Variants in SLC32A1 observed in about 807,000 individuals in gnomAD.
The protein encoded by SLC32A1 is solute carrier family 32 member 1.
A neutral mutation model predicts 35.5 loss-of-function variants in SLC32A1; 8 were observed. That is an observed-to-expected ratio of 0.23 (90% CI 0.13 to 0.41). The LOEUF is 0.41. Among genes scored for constraint, SLC32A1 ranks in the 10% least tolerant of loss-of-function variants. The pLI is 1.00. For missense variants in SLC32A1, 493 were observed against 722.3 expected (o/e 0.68, Z 3.64); for synonymous variants, 317 against 326.3 (o/e 0.97, Z 0.31).
At position 38,724,899 on chromosome 20, in the gene SLC32A1, C is replaced by A; in HGVS notation, c.175C>A (p.Gln59Lys). Reference sequence around the variant, plus strand: ...CGACTTTGAGCACCGCCAGGGCCTGCAGATGGACATCCTGAAAGCCGAGGG... The same window carrying A: ...CGACTTTGAGCACCGCCAGGGCCTGAAGATGGACATCCTGAAAGCCGAGGG... The part of the protein sequence containing the change: ...DLDFEHRQGL[Q>K]MDILKAEGEP... The change falls in exon 1 of 2, where the codon CAG (glutamine) becomes AAG (lysine). Residue 59 changes from glutamine (Q) to lysine (K), a missense_variant. By Grantham distance (53) the Gln-to-Lys change is moderately conservative. Transcript: ENST00000217420. 6.2e-7 allele frequency: 1 copy of A among 1,613,980 alleles called. No individual in the cohort carries two copies. The highest frequency in any genetic ancestry group is 8.5e-7 in the Non-Finnish European group (1 of 1,179,976).
Position 38,724,529 on chromosome 20 carries a change from T to C in SLC32A1, c.-196T>C. 1 of 672,670 alleles carries C rather than the reference T, an allele frequency of 1.5e-6. No individual in the cohort carries two copies. Among genetic ancestry groups the C allele is most frequent in the Non-Finnish European group, 2.4e-6 (1 of 422,272 alleles). The allele number at this position is 672,670 out of a possible 1,614,324, so 41.7% of individuals were successfully genotyped here. A position where few individuals can be genotyped will look rare whatever the true frequency, so the allele number is the denominator to read the frequency against. On this transcript the variant is annotated 5_prime_UTR_variant, in exon 1 of 2. Coordinates refer to ENST00000217420, the MANE Select transcript of SLC32A1 (RefSeq NM_080552.3). ...GCCGCCGCCGCCGCTCCGCCAGACC[T>C]GCTGCCAGCTTGCCCGGTCCAGCCC...
intron 1 of SLC32A1, among the ~76,000 whole-genome samples, 171 bp downstream of exon 1, chr20:38,725,285 G>A (rs1055887458): frequency 2.6e-5 from 4 of 152,188 alleles, no homozygotes; most frequent in Non-Finnish European, 5.9e-5. Context: ...GCCCCCAGGC[G>A]GTGTTTTCCG....
At chr20:38,725,968 G>A (rs1235096432) in intron 1 of SLC32A1, among the ~76,000 whole-genome samples, 1 of 152,174 alleles carries the variant, frequency 6.6e-6, no homozygotes, top group Non-Finnish European at 1.5e-5. Flanking sequence ...GAGGCGGCCA[G>A]CTCCTCCCCG....
intron 1 of SLC32A1, among the ~76,000 whole-genome samples, chr20:38,727,146 C>G (rs1238038176): frequency 3.3e-5 from 5 of 152,182 alleles, no homozygotes; most frequent in Non-Finnish European, 7.4e-5. Context: ...TGTGGCTTCT[C>G]CCTATTCTCA....
In SLC32A1 at chr20:38,724,658, G is replaced by A. The variant is rs1379047624; in HGVS notation, c.-67G>A. ...AGCGACTTTGCGCCCCCCAGCCCTC[G>A]CCTTCTTGCATCGCGTTCCCCGCAT... On this transcript the variant is annotated 5_prime_UTR_variant, in exon 1 of 2. Coordinates refer to ENST00000217420, the MANE Select transcript of SLC32A1 (RefSeq NM_080552.3). 5.2e-6 allele frequency: 8 copies of A among 1,525,436 alleles called. No individual in the cohort carries two copies. Among genetic ancestry groups the A allele is most frequent in the Non-Finnish European group, 7.0e-6 (8 of 1,141,008 alleles). The allele number at this position is 1,525,436 out of a possible 1,614,324, so 94.5% of individuals were successfully genotyped here.
At position 38,724,583 on chromosome 20, in the gene SLC32A1, G is replaced by T; in HGVS notation, c.-142G>T. ...GAGAGCCTCGAACGCCAGCTGCGAG[G>T]GTCATGAGCCAGAGAGCCCCGGGGC... On this transcript the variant is annotated 5_prime_UTR_variant, in exon 1 of 2. Transcript: ENST00000217420. 1.9e-6 allele frequency: 2 copies of T among 1,034,798 alleles called. No individual in the cohort carries two copies. Among genetic ancestry groups the T allele is most frequent in the East Asian group, 5.3e-5 (2 of 37,578 alleles). The allele number at this position is 1,034,798 out of a possible 1,614,324, so 64.1% of individuals were successfully genotyped here. A position where few individuals can be genotyped will look rare whatever the true frequency, so the allele number is the denominator to read the frequency against.
In SLC32A1 at chr20:38,728,348, G is replaced by A. The variant is rs1229183734; in HGVS notation, c.1287G>A (p.Lys429=). Residue 429 remains lysine, a synonymous_variant, in exon 2 of 2, where the codon AAG becomes AAA. Transcript: ENST00000217420. ...GCTACAGCGGCGACGGGCGCCTGAA[G>A]TCCTGGGGGCTGACGCTGCGCTGCG... The part of the protein sequence containing the change: ...PACYSGDGRL[K]SWGLTLRCAL... 6.8e-6 allele frequency: 11 copies of A among 1,612,760 alleles called. No individual in the cohort carries two copies. The highest frequency in any genetic ancestry group is 8.5e-6 in the Non-Finnish European group (10 of 1,179,774).
chr20:38,729,017 T>G lies in SLC32A1; in HGVS notation c.*378T>G. 4.8e-6 allele frequency: 1 copy of G among 207,834 alleles called. No individual in the cohort carries two copies. Among genetic ancestry groups the G allele is most frequent in the Non-Finnish European group, 9.7e-6 (1 of 103,606 alleles). The allele number at this position is 207,834 out of a possible 1,614,324, so 12.9% of individuals were successfully genotyped here. On this transcript the variant is annotated 3_prime_UTR_variant, in exon 2 of 2. Transcript: ENST00000217420. The stretch of plus-strand genomic sequence containing the variant: ...TGGCAACTTGACCTTGGGGGAATAT[T>G]TCACATCCATCCAGAGCTCGGAATC...
chr20:38,727,897 T>C lies in SLC32A1; in HGVS notation c.836T>C (p.Ile279Thr). The C allele has an allele frequency of 6.2e-7, 1 of 1,614,228 alleles. No individual in the cohort carries two copies. The highest frequency in any genetic ancestry group is 8.5e-7 in the Non-Finnish European group (1 of 1,180,038). ...ACTCTGGCCCACTTCGTCATCAATA[T>C]CCTGGTCATAGCCTACTGTCTATCG... ...LCTLAHFVIN[I>T]LVIAYCLSRA... The change falls in exon 2 of 2, where the codon ATC becomes ACC. Residue 279 changes from isoleucine to threonine, a missense_variant. Coordinates refer to ENST00000217420, the MANE Select transcript of SLC32A1 (RefSeq NM_080552.3).
rs937544683 is a variant in SLC32A1, at chr20:38,725,247, T to A, written c.390+133T>A. 1.2e-4 allele frequency: 138 copies of A among 1,173,690 alleles called. No homozygotes were observed. The African/African-American group carries it at 2.0e-3, about 17-fold the overall frequency. 72.7% of individuals were successfully genotyped at this position (1,173,690 alleles called of 1,614,324 possible). A position where few individuals can be genotyped will look rare whatever the true frequency, so the allele number is the denominator to read the frequency against. On this transcript the variant is annotated intron_variant, in intron 1 of 1. Coordinates refer to ENST00000217420, the MANE Select transcript of SLC32A1 (RefSeq NM_080552.3). ...GTACCCAGGAATCTCCCTTTCTCCA[T>A]CCCTCCCAGCCCTGCGCGGGGACCT... is the stretch of plus-strand genomic sequence containing the variant.
At chr20:38,725,309 T>C (rs1334377161) in intron 1 of SLC32A1, among the ~76,000 whole-genome samples, 195 bp downstream of exon 1, 1 of 151,738 alleles carries the variant, frequency 6.6e-6, no homozygotes, top group Non-Finnish European at 1.5e-5. Context: ...TAACCCACGC[T>C]CCCTCCCAAC....
In SLC32A1 at chr20:38,724,551, G is replaced by A; in HGVS notation, c.-174G>A. On this transcript the variant is annotated 5_prime_UTR_variant, in exon 1 of 2. Transcript: ENST00000217420. Reference sequence around the variant, plus strand: ...ACCTGCTGCCAGCTTGCCCGGTCCAGCCCTGAGAGAGCCTCGAACGCCAGC... The same window carrying A: ...ACCTGCTGCCAGCTTGCCCGGTCCAACCCTGAGAGAGCCTCGAACGCCAGC... 1 of 815,190 alleles carries A rather than the reference G, an allele frequency of 1.2e-6. No homozygotes were observed. The highest frequency in any genetic ancestry group is 1.9e-6 in the Non-Finnish European group (1 of 536,010). The allele number at this position is 815,190 out of a possible 1,614,324, so 50.5% of individuals were successfully genotyped here.
At chr20:38,725,736 A>T (rs1007825114) in intron 1 of SLC32A1, among the ~76,000 whole-genome samples, 3 of 152,160 alleles carry the variant, frequency 2.0e-5, no homozygotes, top group Admixed American at 6.5e-5. Flanking sequence ...GCACATACCA[A>T]ACACACGAAT....
chr20:38,725,017 C>T lies in SLC32A1; in HGVS notation c.293C>T (p.Ser98Phe). 3.2e-6 allele frequency: 5 copies of T among 1,566,164 alleles called. No individual in the cohort carries two copies. Among genetic ancestry groups the T allele is most frequent in the Non-Finnish European group, 4.3e-6 (5 of 1,157,234 alleles). The change falls in exon 1 of 2, where the codon TCC becomes TTC. Residue 98 changes from serine to phenylalanine, a missense_variant. Physicochemically the swap from Ser to Phe is radical, Grantham distance 155. Around this residue, in one of 4 missense-constraint regions of SLC32A1, gnomAD observed 133 missense variants for 145.9 expected, o/e 0.91. Coordinates refer to ENST00000217420, the MANE Select transcript of SLC32A1 (RefSeq NM_080552.3). ...GSGAPLPPSG[S>F]KDQVGGGGEF... ...GGAGCTCCTCTGCCGCCCTCCGGCT[C>T]CAAGGACCAGGTGGGAGGTGGTGGC...
At position 38,727,484 on chromosome 20, in the gene SLC32A1, C is replaced by T; in HGVS notation, c.423C>T (p.Ile141=). The change falls in exon 2 of 2, where the codon ATC becomes ATT. Residue 141 remains isoleucine (I), a synonymous_variant. Coordinates refer to ENST00000217420, the MANE Select transcript of SLC32A1 (RefSeq NM_080552.3). ...GMFVLGLPYA[I]LHGGYLGLFL... is the part of the protein sequence containing the mutation. ...TCGTGCTGGGCCTACCCTACGCCATCCTGCACGGCGGCTACCTGGGGTTGT... is the reference window on the plus strand; with the variant it reads ...TCGTGCTGGGCCTACCCTACGCCATTCTGCACGGCGGCTACCTGGGGTTGT... 1 of 1,609,190 alleles carries T rather than the reference C, an allele frequency of 6.2e-7. No homozygotes were observed. The highest frequency in any genetic ancestry group is 8.5e-7 in the Non-Finnish European group (1 of 1,180,026).
chr20:38,725,159 C>T, intron 1 of SLC32A1, 45 bp downstream of exon 1: 1 of 1,501,350 alleles, frequency 6.7e-7, no homozygotes, highest in Non-Finnish European at 8.9e-7. Context: ...CCCCTCCCAG[C>T]TCAGCGTGCC....
In SLC32A1 at chr20:38,728,012, C is replaced by T. The variant is rs751833431; in HGVS notation, c.951C>T (p.Tyr317=). The part of the protein sequence containing the change: ...PISIGIIVFS[Y]TSQIFLPSLE... ...CCATTGGCATCATCGTGTTCAGCTACACGTCTCAGATCTTCCTGCCTTCGC... is the reference window on the plus strand; with the variant it reads ...CCATTGGCATCATCGTGTTCAGCTATACGTCTCAGATCTTCCTGCCTTCGC... The change falls in exon 2 of 2, where the codon TAC becomes TAT. Residue 317 remains tyrosine (Y), a synonymous_variant. Coordinates refer to ENST00000217420, the MANE Select transcript of SLC32A1 (RefSeq NM_080552.3). 1 of 1,614,118 alleles carries T rather than the reference C, an allele frequency of 6.2e-7. No individual in the cohort carries two copies. Among genetic ancestry groups the T allele is most frequent in the Non-Finnish European group, 8.5e-7 (1 of 1,180,052 alleles).
At position 38,727,767 on chromosome 20, in the gene SLC32A1, C is replaced by T. The variant is rs777297939; in HGVS notation, c.706C>T (p.Leu236=). Residue 236 remains leucine, a synonymous_variant, in exon 2 of 2, where the codon CTG becomes TTG. Transcript: ENST00000217420. The stretch of plus-strand genomic sequence containing the variant: ...CCTCATGTACAACAGCTTCCCGGGG[C>T]TGCCCGTGTCGCAGAAGTCCTGGTC... The part of the protein sequence containing the change: ...GNLMYNSFPG[L]PVSQKSWSII... The T allele has an allele frequency of 2.5e-6, 4 of 1,614,080 alleles. No individual in the cohort carries two copies. In the Admixed American group the frequency reaches 5.0e-5, roughly 20 times the overall value.
Position 38,727,608 on chromosome 20 carries a change from C to A in SLC32A1, c.547C>A (p.Arg183=), listed in dbSNP as rs1193001015. ...TGAAGACGGCGAGGTGGTGCGCGTG[C>A]GGGACTCGTACGTGGCCATAGCCAA... The part of the protein sequence containing the change: ...ENEDGEVVRV[R]DSYVAIANAC... Residue 183 remains arginine (R), a synonymous_variant, in exon 2 of 2, where the codon CGG becomes AGG. Transcript: ENST00000217420. 3 of 1,612,986 alleles carry A rather than the reference C, an allele frequency of 1.9e-6. No homozygotes were observed. The highest frequency in any genetic ancestry group is 2.2e-5 in the South Asian group (2 of 91,082).
Sources: allele counts gnomAD v4.1 joint callset (sites outside exome capture counted in the v4.1 genomes callset), GRCh38; gene constraint gnomAD v4.1.1; regional missense constraint gnomAD v4.1.1; transcripts MANE v1.5; gene names NCBI Gene and HGNC (gene_info 2026-07-23, HGNC 2026-07-21).